Variants in DLG2 observed in about 807,000 individuals in gnomAD.
DLG2 encodes discs large MAGUK scaffold protein 2, also known as disks large homolog 2.
A neutral mutation model predicts 132.5 loss-of-function variants in DLG2; 45 were observed. That is an observed-to-expected ratio of 0.34 (90% CI 0.27 to 0.44). DLG2 has a LOEUF of 0.44. DLG2 is among the 20% of genes least tolerant of loss of function. The pLI, the probability that DLG2 is intolerant of heterozygous loss-of-function variation, is 1.00. For synonymous variants in DLG2, 424 were observed against 419.6 expected, an observed-to-expected ratio of 1.01 and a Z score of -0.13; for missense variants, 1,045 against 1,196.9, an observed-to-expected ratio of 0.87 and a Z score of 1.87.
chr11:83,488,847 A>T (rs1198007337), intron 21 of DLG2, among the ~76,000 whole-genome samples: 1 of 152,046 alleles, frequency 6.6e-6, no homozygotes, highest in Non-Finnish European at 1.5e-5. Flanking sequence ...TATTATACAA[A>T]TCTTATTTTC....
chr11:84,158,029 C>A (rs1001310865), intron 9 of DLG2, among the ~76,000 whole-genome samples: 1 of 151,694 alleles, frequency 6.6e-6, no homozygotes, highest in African/African-American at 2.4e-5. Flanking sequence ...TTTTATTTAT[C>A]ATCTAGTGTG....
intron 6 of DLG2, among the ~76,000 whole-genome samples, chr11:84,543,499 T>C (rs1209293591): frequency 6.6e-6 from 1 of 152,140 alleles, no homozygotes; most frequent in Non-Finnish European, 1.5e-5. Context: ...TCGCTGGATG[T>C]TTGTCTCCTC....
intron 10 of DLG2, among the ~76,000 whole-genome samples, chr11:84,068,954 A>C (rs1160582601): frequency 6.6e-6 from 1 of 152,212 alleles, no homozygotes; most frequent in Non-Finnish European, 1.5e-5. Flanking sequence ...GTTTGTTAAA[A>C]ATGATTTTGC....
At chr11:84,823,581 C>CCACACACACACA (rs60714512) in intron 6 of DLG2, among the ~76,000 whole-genome samples, 130 of 134,498 alleles carry the variant, frequency 9.7e-4, no homozygotes, top group Non-Finnish European at 1.3e-3. Context: ...GGTTGTATAT[C>CCACACACACACA]CACACACACA....
intron 7 of DLG2, among the ~76,000 whole-genome samples, chr11:84,373,368 G>A (rs577589353): frequency 3.3e-5 from 5 of 150,962 alleles, no homozygotes; most frequent in East Asian, 3.9e-4. Flanking sequence ...TCAGGAGTTC[G>A]AGACCAGCCT....
At chr11:83,787,160 G>A (rs2040156199) in intron 17 of DLG2, among the ~76,000 whole-genome samples, 2 of 151,970 alleles carry the variant, frequency 1.3e-5, no homozygotes, top group African/African-American at 2.4e-5. Context: ...CACATGTAAT[G>A]TAAATAGACA....
chr11:85,164,156 ACTCT>A (rs2078249007), intron 4 of DLG2, among the ~76,000 whole-genome samples: 1 of 152,100 alleles, frequency 6.6e-6, no homozygotes, highest in African/African-American at 2.4e-5. Flanking sequence ...TCATAGACTA[ACTCT>A]CTTTCTGACA....
intron 2 of DLG2, among the ~76,000 whole-genome samples, chr11:85,614,261 C>G (rs989395782): frequency 2.6e-5 from 4 of 151,044 alleles, no homozygotes; most frequent in Non-Finnish European, 5.9e-5. Context: ...ATCAAGGACA[C>G]TCATGAGAAA....
At chr11:83,658,971 A>C (rs1037446124) in intron 18 of DLG2, among the ~76,000 whole-genome samples, 1 of 152,200 alleles carries the variant, frequency 6.6e-6, no homozygotes, top group African/African-American at 2.4e-5. Flanking sequence ...AACTAAATGA[A>C]GAATCCCAGA....
At chr11:84,127,634 T>C (rs1038816655) in intron 9 of DLG2, among the ~76,000 whole-genome samples, 5 of 152,146 alleles carry the variant, frequency 3.3e-5, no homozygotes, top group Non-Finnish European at 5.9e-5. Context: ...AAGGTCTCAC[T>C]ATGCGGCCCA....
intron 5 of DLG2, among the ~76,000 whole-genome samples, chr11:85,142,118 A>G (rs1203469068): frequency 6.6e-6 from 1 of 151,828 alleles, no homozygotes; most frequent in African/African-American, 2.4e-5. Context: ...TTTGATAGGG[A>G]TTTCACTGAA....
At chr11:84,258,898 T>C (rs568650783) in intron 7 of DLG2, among the ~76,000 whole-genome samples, 2 of 152,222 alleles carry the variant, frequency 1.3e-5, no homozygotes, top group African/African-American at 4.8e-5. Context: ...GGTCCCTTAA[T>C]GTCTTGCAAA....
Position 85,626,643 on chromosome 11 carries a change from A to G in DLG2, c.-149T>C, listed in dbSNP as rs1180386550. The G allele has an allele frequency of 6.6e-6, 1 of 152,148 alleles. No homozygotes were observed. Among genetic ancestry groups the G allele is most frequent in the Non-Finnish European group, 1.5e-5 (1 of 68,018 alleles). The allele number at this position is 152,148 out of a possible 1,614,324, so 9.4% of individuals were successfully genotyped here. On this transcript the variant is annotated 5_prime_UTR_variant, in exon 2 of 28. Transcript: ENST00000376104. ...TCTTGGGTCTTTCCACTGCCACAGGAGTCAATATCTCTTTTCAGGTCTCAG... is the reference window on the plus strand; with the variant it reads ...TCTTGGGTCTTTCCACTGCCACAGGGGTCAATATCTCTTTTCAGGTCTCAG...
intron 3 of DLG2, among the ~76,000 whole-genome samples, chr11:85,471,560 T>C (rs2092985649): frequency 6.6e-6 from 1 of 152,130 alleles, no homozygotes; most frequent in Admixed American, 6.5e-5. Flanking sequence ...ATTCTTGATT[T>C]GAAATTAATA....
chr11:84,187,643 T>C (rs1045723678), intron 8 of DLG2, among the ~76,000 whole-genome samples: 1 of 152,046 alleles, frequency 6.6e-6, no homozygotes, highest in Non-Finnish European at 1.5e-5. Context: ...TGCTAAGTAT[T>C]CCTGGTATTG....
intron 3 of DLG2, among the ~76,000 whole-genome samples, chr11:85,505,294 G>A (rs187436254): frequency 3.3e-5 from 5 of 152,276 alleles, no homozygotes; most frequent in South Asian, 2.1e-4. Context: ...TCCCTGTCTT[G>A]CACCAGTTTT....
intron 16 of DLG2, among the ~76,000 whole-genome samples, chr11:83,853,205 CT>C (rs1372976437): frequency 6.6e-6 from 1 of 152,130 alleles, no homozygotes; most frequent in African/African-American, 2.4e-5. Flanking sequence ...TCACCTTGGT[CT>C]TTCCATGTAT....
intron 6 of DLG2, among the ~76,000 whole-genome samples, chr11:84,554,025 T>C (rs1423054762): frequency 6.6e-6 from 1 of 152,216 alleles, no homozygotes; most frequent in African/African-American, 2.4e-5. Flanking sequence ...ACATTCTCTA[T>C]TCATCACAGA....
rs1158556028 is a variant in DLG2 at position 85,485,231 on chromosome 11, T to C, written c.40+113426A>G. Among the ~76,000 whole-genome samples, 4 of 152,038 alleles carry C rather than the reference T, an allele frequency of 2.6e-5. No homozygotes were observed. The South Asian group carries it at 6.3e-4, about 24-fold the overall frequency. On this transcript the variant is annotated intron_variant, in intron 3 of 27. Transcript: ENST00000376104. ...GTGGGGAGAGGGGGGAGGGATAGCA[T>C]TGGGAGATATACCTAATGCTAGATG... is the stretch of plus-strand genomic sequence containing the variant.
Sources: allele counts gnomAD v4.1 joint callset (sites outside exome capture counted in the v4.1 genomes callset), GRCh38; gene constraint gnomAD v4.1.1; transcripts MANE v1.5; gene names NCBI Gene and HGNC (gene_info 2026-07-23, HGNC 2026-07-21).